Variants in RHBDD1 observed in about 807,000 individuals in gnomAD.
RHBDD1 encodes the protein rhomboid-related protein 4.
RHBDD1 carries 38 observed loss-of-function variants against 36.3 expected under a neutral mutation model. The observed-to-expected ratio is 1.05, with a 90% CI of 0.81 to 1.37. The LOEUF is 1.37. Ranked by LOEUF, RHBDD1 falls within the 40% of genes most tolerant of loss-of-function variation. RHBDD1 has a pLI of 0.00. For missense variants in RHBDD1, 393 were observed against 377.6 expected (o/e 1.04, Z -0.34); for synonymous variants, 151 against 136.5 (o/e 1.11, Z -0.74).
At chr2:226,908,652 CT>C in intron 6 of RHBDD1, 169 bp from the exon 7 acceptor site, 1 of 622,442 alleles carries the variant, frequency 1.6e-6, no homozygotes, top group Non-Finnish European at 2.9e-6. Context: ...CACACACACT[CT>C]TTTCCAGTTA....
chr2:226,857,477 A>C (rs927545515), intron 3 of RHBDD1, among the ~76,000 whole-genome samples: 2 of 152,232 alleles, frequency 1.3e-5, no homozygotes, highest in Non-Finnish European at 2.9e-5. Context: ...TAAAAATTGT[A>C]CATGAATGTT....
intron 5 of RHBDD1, among the ~76,000 whole-genome samples, chr2:226,895,435 G>A (rs1257962209): frequency 2.0e-5 from 3 of 152,134 alleles, no homozygotes; most frequent in African/African-American, 4.8e-5. Flanking sequence ...GATTGTGGTC[G>A]GTGGGAGCTA....
At chr2:226,951,349 A>G (rs1429950932) in intron 8 of RHBDD1, among the ~76,000 whole-genome samples, 1 of 152,212 alleles carries the variant, frequency 6.6e-6, no homozygotes, top group Non-Finnish European at 1.5e-5. Flanking sequence ...TATTAATATT[A>G]GTATTCTGCT....
intron 6 of RHBDD1, among the ~76,000 whole-genome samples, chr2:226,907,761 C>T (rs1397528499): frequency 1.3e-5 from 2 of 152,172 alleles, no homozygotes; most frequent in Non-Finnish European, 2.9e-5. Flanking sequence ...GGCTGTGTTG[C>T]ATTTAAGCAG....
At chr2:226,818,911 C>T in the RHBDD1 span, among the ~76,000 whole-genome samples, 3 of 152,164 alleles carry the variant, frequency 2.0e-5, no homozygotes, top group South Asian at 4.1e-4. Flanking sequence ...ATGATTTCTA[C>T]AAGACCTCAG....
At chr2:226,904,042 A>G (rs183494201) in intron 5 of RHBDD1, among the ~76,000 whole-genome samples, 55 of 152,214 alleles carry the variant, frequency 3.6e-4, no homozygotes, top group African/African-American at 1.2e-3. Context: ...CCATCACCCA[A>G]TAAAAGCCCC....
the RHBDD1 span, among the ~76,000 whole-genome samples, chr2:226,821,633 A>G: frequency 4.0e-4 from 61 of 152,120 alleles, no homozygotes; most frequent in South Asian, 9.5e-3. Flanking sequence ...TGTGAGTTGT[A>G]TTTAGCTTCT....
intron 5 of RHBDD1, among the ~76,000 whole-genome samples, chr2:226,904,333 T>C (rs1947849380): frequency 6.8e-6 from 1 of 147,468 alleles, no homozygotes; most frequent in Non-Finnish European, 1.5e-5. Flanking sequence ...TGCCCATCTG[T>C]GTGCTCCCCT....
the RHBDD1 span, among the ~76,000 whole-genome samples, chr2:226,815,469 A>T: frequency 4.6e-5 from 7 of 152,218 alleles, no homozygotes; most frequent in Non-Finnish European, 1.0e-4. Context: ...TAAAGTTATT[A>T]TATATTTCAT....
intron 6 of RHBDD1, among the ~76,000 whole-genome samples, chr2:226,907,372 A>G (rs1195605751): frequency 6.6e-6 from 1 of 152,166 alleles, no homozygotes; most frequent in African/African-American, 2.4e-5. Context: ...CAAGTCTGTT[A>G]TTGCTTGAAG....
At chr2:226,967,888 C>G (rs1952769966) in intron 8 of RHBDD1, among the ~76,000 whole-genome samples, 3 of 152,032 alleles carry the variant, frequency 2.0e-5, no homozygotes, top group African/African-American at 7.2e-5. Context: ...CAGGACTGTC[C>G]TGTACAATGA....
chr2:226,822,821 T>G, the RHBDD1 span, among the ~76,000 whole-genome samples: 2 of 152,062 alleles, frequency 1.3e-5, no homozygotes, highest in African/African-American at 4.8e-5. Flanking sequence ...ATGAGTTTAG[T>G]GCCCTTCTAA....
Position 226,864,954 on chromosome 2 carries a change from C to T in RHBDD1, c.261C>T (p.Ser87=), listed in dbSNP as rs1944203437. The part of the protein sequence containing the change: ...DDWHLYFNMA[S]MLWKGINLER... ...GGCATTTGTATTTCAATATGGCATC[C>T]ATGCTCTGGAAAGGAATAAATCTAG... is the stretch of plus-strand genomic sequence containing the variant. The change falls in exon 4 of 9, where the codon TCC becomes TCT. Residue 87 remains serine (S), a synonymous_variant. Coordinates refer to ENST00000392062, the MANE Select transcript of RHBDD1 (RefSeq NM_001167608.3). The T allele has an allele frequency of 1.9e-6, 3 of 1,614,114 alleles. No homozygotes were observed. The highest frequency in any genetic ancestry group is 1.7e-5 in the Admixed American group (1 of 60,010).
chr2:226,891,900 A>T (rs990241863), intron 5 of RHBDD1, among the ~76,000 whole-genome samples: 6 of 152,226 alleles, frequency 3.9e-5, no homozygotes, highest in African/African-American at 1.2e-4. Flanking sequence ...TAGACTTTGT[A>T]TTAGATACAA....
intron 5 of RHBDD1, among the ~76,000 whole-genome samples, chr2:226,903,816 A>G (rs1411576834): frequency 2.0e-5 from 3 of 151,988 alleles, no homozygotes; most frequent in Admixed American, 2.0e-4. Context: ...TAAACCTGAG[A>G]CCCCAGGCTC....
chr2:226,938,558 C>T (rs913177264), intron 8 of RHBDD1, among the ~76,000 whole-genome samples: 2 of 152,138 alleles, frequency 1.3e-5, no homozygotes, highest in African/African-American at 4.8e-5. Flanking sequence ...TACACCCTTC[C>T]AAGACTGAAG....
chr2:226,867,552 T>G, intron 5 of RHBDD1: 1 of 974,728 alleles, frequency 1.0e-6, no homozygotes, highest in Non-Finnish European at 1.2e-6. Context: ...AGATTCCTCA[T>G]TTTTTTTAAG....
chr2:226,914,289 C>T lies in RHBDD1; in HGVS notation c.794C>T (p.Thr265Ile). 6.2e-7 allele frequency: 1 copy of T among 1,613,840 alleles called. No individual in the cohort carries two copies. The highest frequency in any genetic ancestry group is 8.5e-7 in the Non-Finnish European group (1 of 1,179,834). Residue 265 changes from threonine to isoleucine, a missense_variant, in exon 8 of 9, where the codon ACA (threonine) becomes ATA (isoleucine). Coordinates refer to ENST00000392062, the MANE Select transcript of RHBDD1 (RefSeq NM_001167608.3). ...GCACCCAGGAACTATGACACGTACA[C>T]AGCAGGACTGAGTGAAGAAGAACAG... The part of the protein sequence containing the change: ...EEAPRNYDTY[T>I]AGLSEEEQLE...
intron 8 of RHBDD1, among the ~76,000 whole-genome samples, chr2:226,932,726 G>A (rs1023599928): frequency 5.9e-5 from 9 of 152,026 alleles, no homozygotes; most frequent in Non-Finnish European, 1.2e-4. Context: ...TTAGTCTTAA[G>A]CAGTTACTGT....
Sources: allele counts gnomAD v4.1 joint callset (sites outside exome capture counted in the v4.1 genomes callset), GRCh38; gene constraint gnomAD v4.1.1; transcripts MANE v1.5; gene names NCBI Gene and HGNC (gene_info 2026-07-23, HGNC 2026-07-21).